The following RAB27A variants were observed in gnomAD, a reference collection of about 807,000 sequenced individuals.
RAB27A encodes RAB27A, member RAS oncogene family.
Under a neutral mutation model 20.8 loss-of-function variants are expected in RAB27A, and 17 were observed. The observed-to-expected ratio is 0.82, with a 90% CI of 0.56 to 1.23. The LOEUF is 1.23. Ranked by LOEUF, RAB27A falls within the 50% of genes most tolerant of loss-of-function variation. RAB27A has a pLI of 0.00. For synonymous variants in RAB27A, 85 were observed against 92.8 expected (o/e 0.92, Z 0.48); for missense variants, 277 against 266.7 (o/e 1.04, Z -0.27).
intron 2 of RAB27A, among the ~76,000 whole-genome samples, chr15:55,309,984 T>A (rs1415839430): frequency 6.6e-6 from 1 of 151,940 alleles, no homozygotes. Context: ...GGACGGGCAT[T>A]CTTTGCTCGT....
At position 55,203,332 on chromosome 15, in the gene RAB27A, G is replaced by T. The variant is rs1218280715; in HGVS notation, c.*2175C>A. On this transcript the variant is annotated 3_prime_UTR_variant, in exon 7 of 7. Transcript: ENST00000336787. ...CACCATATAGAATATGCCCTGATAT[G>T]TAGCTGTAAAATTATGTTGTACTGC... 1 of 151,318 alleles carries T rather than the reference G, an allele frequency of 6.6e-6. No individual in the cohort carries two copies. The highest frequency in any genetic ancestry group is 1.5e-5 in the Non-Finnish European group (1 of 67,912). 9.4% of individuals were successfully genotyped at this position (151,318 alleles called of 1,614,324 possible). A position where few individuals can be genotyped will look rare whatever the true frequency, so the allele number is the denominator to read the frequency against.
At chr15:55,205,994 T>C (rs566291211) in intron 6 of RAB27A, among the ~76,000 whole-genome samples, 39 of 152,070 alleles carry the variant, frequency 2.6e-4, no homozygotes, top group African/African-American at 8.7e-4. Flanking sequence ...GCAGATCACC[T>C]GAGGTCAGGA....
rs148132932 is a variant in RAB27A at position 55,224,611 on chromosome 15, G to A, written c.344-599C>T. Among the ~76,000 whole-genome samples, 338 of 152,256 alleles carry A rather than the reference G, an allele frequency of 2.2e-3. 2 individuals are homozygous for A. The highest frequency in any genetic ancestry group is 7.6e-3 in the African/African-American group (315 of 41,532). ...GTCACCAGAGCCAAGTGGAAGCAGA[G>A]GACTATAATTCTTATTCCGCAGCTT... On this transcript the variant is annotated intron_variant, in intron 5 of 6. Transcript: ENST00000336787.
intron 2 of RAB27A, among the ~76,000 whole-genome samples, chr15:55,241,600 T>TTATATATATATATATATATATATA (rs58693379): frequency 8.1e-6 from 1 of 123,896 alleles, no homozygotes; most frequent in African/African-American, 4.3e-5. Context: ...CAAGACCTAT[T>TTATATATATATATATATATATATA]TATATATATA....
At chr15:55,317,010 T>C (rs1187436435) in intron 1 of RAB27A, among the ~76,000 whole-genome samples, 1 of 152,202 alleles carries the variant, frequency 6.6e-6, no homozygotes, top group Non-Finnish European at 1.5e-5. Flanking sequence ...AATTATTATA[T>C]ACACACTGAG....
chr15:55,255,738 G>A (rs1433252918), intron 2 of RAB27A, among the ~76,000 whole-genome samples: 1 of 152,116 alleles, frequency 6.6e-6, no homozygotes, highest in Non-Finnish European at 1.5e-5. Context: ...AGAAACACAG[G>A]ATCCAACTGC....
At position 55,229,352 on chromosome 15, in the gene RAB27A, C is replaced by T. The variant is rs577222139; in HGVS notation, c.240-640G>A. 3.9e-5 allele frequency among the ~76,000 whole-genome samples: 6 copies of T among 152,240 alleles called. No individual in the cohort carries two copies. In the South Asian group the frequency reaches 1.2e-3, roughly 32 times the overall value. On this transcript the variant is annotated intron_variant, in intron 4 of 6. Coordinates refer to ENST00000336787, the MANE Select transcript of RAB27A (RefSeq NM_183235.3). ...ATCTAATCAGCAATATTAGGTTTTT[C>T]TCAAATACTTTTAATCAATGTTTTT...
Position 55,209,801 on chromosome 15 carries a change from C to CACATATGTGTGT in RAB27A, c.468-4097_468-4096insACACACATATGT, listed in dbSNP as rs1894843132. 1.5e-5 allele frequency among the ~76,000 whole-genome samples: 2 copies of CACATATGTGTGT among 132,134 alleles called. 1 individual carries two copies. Among genetic ancestry groups the CACATATGTGTGT allele is most frequent in the Non-Finnish European group, 3.2e-5 (2 of 63,114 alleles). 86.7% of individuals were successfully genotyped at this position (132,134 alleles called of 152,430 possible). On this transcript the variant is annotated intron_variant, in intron 6 of 6. Transcript: ENST00000336787. ...ATACACACATATGTGTGTATGTATA[C>CACATATGTGTGT]ATATATACACACATGTGTGTATATA... is the stretch of plus-strand genomic sequence containing the variant.
At chr15:55,258,758 A>C (rs1320769231) in intron 2 of RAB27A, among the ~76,000 whole-genome samples, 1 of 152,162 alleles carries the variant, frequency 6.6e-6, no homozygotes, top group Non-Finnish European at 1.5e-5. Flanking sequence ...AGCATCTTTT[A>C]TTAGTTTCTT....
intron 4 of RAB27A, 132 bp downstream of exon 4, chr15:55,230,269 C>A: frequency 1.2e-6 from 1 of 823,284 alleles, no homozygotes; most frequent in Admixed American, 1.8e-5. Context: ...TGACAAATTT[C>A]CTGCTAATTT....
At chr15:55,251,381 G>C (rs1157133066) in intron 2 of RAB27A, among the ~76,000 whole-genome samples, 4 of 152,152 alleles carry the variant, frequency 2.6e-5, no homozygotes, top group African/African-American at 9.7e-5. Flanking sequence ...AAAAATCGAG[G>C]CCAAACTGCC....
At chr15:55,309,852 T>G (rs1258473373) in intron 2 of RAB27A, among the ~76,000 whole-genome samples, 1 of 152,116 alleles carries the variant, frequency 6.6e-6, no homozygotes, top group Non-Finnish European at 1.5e-5. Context: ...CTGCACGGTT[T>G]TACTAGGCCT....
At chr15:55,243,759 A>T (rs1896583648) in intron 2 of RAB27A, among the ~76,000 whole-genome samples, 1 of 152,116 alleles carries the variant, frequency 6.6e-6, no homozygotes, top group Admixed American at 6.5e-5. Context: ...TACAATGGGG[A>T]TCCAACTCAG....
At chr15:55,275,788 T>C (rs76065370) in intron 1 of RAB27A, among the ~76,000 whole-genome samples, 1 of 151,734 alleles carries the variant, frequency 6.6e-6, no homozygotes, top group East Asian at 1.9e-4. Flanking sequence ...TGAATAGACA[T>C]TTTTTCAAAG....
intron 2 of RAB27A, among the ~76,000 whole-genome samples, chr15:55,237,612 C>T (rs565135200): frequency 6.6e-6 from 1 of 152,172 alleles, no homozygotes; most frequent in East Asian, 1.9e-4. Context: ...CATTATAGCA[C>T]GTCATATCAC....
At chr15:55,266,820 T>C (rs932720886) in intron 2 of RAB27A, among the ~76,000 whole-genome samples, 2 of 152,216 alleles carry the variant, frequency 1.3e-5, no homozygotes, top group Non-Finnish European at 2.9e-5. Flanking sequence ...CACTGTACGG[T>C]ACACAACCAG....
chr15:55,286,198 A>G (rs1898148275), intron 1 of RAB27A, among the ~76,000 whole-genome samples: 1 of 152,210 alleles, frequency 6.6e-6, no homozygotes, highest in Non-Finnish European at 1.5e-5. Context: ...GATGGGAGAA[A>G]TGGCAGAATG....
At chr15:55,231,581 C>T (rs1219247483) in intron 3 of RAB27A, among the ~76,000 whole-genome samples, 1 of 152,108 alleles carries the variant, frequency 6.6e-6, no homozygotes. Flanking sequence ...CTATTCCCAT[C>T]CCCCTCACTC....
chr15:55,244,974 C>G (rs1896632956), intron 2 of RAB27A, among the ~76,000 whole-genome samples: 1 of 152,000 alleles, frequency 6.6e-6, no homozygotes, highest in African/African-American at 2.4e-5. Flanking sequence ...TGGACCCATA[C>G]CCGGCATTCT....
Sources: allele counts gnomAD v4.1 joint callset (sites outside exome capture counted in the v4.1 genomes callset), GRCh38; gene constraint gnomAD v4.1.1; transcripts MANE v1.5; gene names NCBI Gene and HGNC (gene_info 2026-07-23, HGNC 2026-07-21).